Variants in UBASH3B observed in about 807,000 individuals in gnomAD.
UBASH3B encodes the protein ubiquitin associated and SH3 domain containing B, also known as ubiquitin-associated and SH3 domain-containing protein B.
UBASH3B carries 37 observed loss-of-function variants against 83.4 expected under a neutral mutation model. The ratio of observed to expected loss-of-function variants is 0.44; its 90% CI spans 0.34 to 0.58. The LOEUF (loss-of-function observed/expected upper bound fraction) is 0.58, where lower values mean the gene tolerates loss of function less well. Ranked by LOEUF, UBASH3B falls within the 20% of genes least tolerant of loss-of-function variation. UBASH3B has a pLI of 0.01. For synonymous variants in UBASH3B, 304 were observed against 318.3 expected, an observed-to-expected ratio of 0.96 and a Z score of 0.48; for missense variants, 657 against 827.2, an observed-to-expected ratio of 0.79 and a Z score of 2.52.
chr11:122,706,966 A>T (rs1228443961), intron 1 of UBASH3B, among the ~76,000 whole-genome samples: 1 of 152,200 alleles, frequency 6.6e-6, no homozygotes, highest in African/African-American at 2.4e-5. Flanking sequence ...AAAGAATGCC[A>T]GTGGAAGACT....
At chr11:122,657,438 G>A (rs144833661) in intron 1 of UBASH3B, among the ~76,000 whole-genome samples, 1 of 152,070 alleles carries the variant, frequency 6.6e-6, no homozygotes, top group Non-Finnish European at 1.5e-5. Flanking sequence ...ATAGACATGC[G>A]CCACCACACC....
intron 3 of UBASH3B, among the ~76,000 whole-genome samples, chr11:122,778,005 T>C (rs6589949): frequency 0.78 from 118,561 of 151,666 alleles, 46,883 homozygotes; most frequent in African/African-American, 0.91. Flanking sequence ...GCTGGGATTA[T>C]AGGCATGAGC....
At chr11:122,720,062 C>T (rs1166782604) in intron 1 of UBASH3B, among the ~76,000 whole-genome samples, 3 of 152,158 alleles carry the variant, frequency 2.0e-5, no homozygotes, top group Non-Finnish European at 4.4e-5. Context: ...AAACTCACCC[C>T]CATAGTAGTC....
chr11:122,808,686 G>A (rs141628795), intron 13 of UBASH3B, among the ~76,000 whole-genome samples: 1 of 152,316 alleles, frequency 6.6e-6, no homozygotes, highest in Non-Finnish European at 1.5e-5. Flanking sequence ...GCCTGTGGGA[G>A]AGGTTTTCTG....
rs199715513 is a variant in UBASH3B at position 122,765,492 on chromosome 11, G to A, written c.162-10727G>A. Among the ~76,000 whole-genome samples the A allele has an allele frequency of 4.6e-5, 7 of 152,298 alleles. No individual in the cohort carries two copies. In the East Asian group the frequency reaches 1.4e-3, roughly 29 times the overall value. On this transcript the variant is annotated intron_variant, in intron 1 of 13. Coordinates refer to ENST00000284273, the MANE Select transcript of UBASH3B (RefSeq NM_032873.5). ...CCAGCTCATCCAAGTGACTTAGAGG[G>A]TGAAGGGGAACAAAGAGTTGGCCTG...
chr11:122,742,039 A>G (rs1272252729), intron 1 of UBASH3B, among the ~76,000 whole-genome samples: 1 of 151,886 alleles, frequency 6.6e-6, no homozygotes, highest in Non-Finnish European at 1.5e-5. Context: ...ACCCCTCCCT[A>G]CCTCCTCACA....
chr11:122,729,547 G>A (rs1860802516), intron 1 of UBASH3B, among the ~76,000 whole-genome samples: 1 of 152,168 alleles, frequency 6.6e-6, no homozygotes, highest in African/African-American at 2.4e-5. Flanking sequence ...TTATGTTAAA[G>A]ATAAAACAGT....
At chr11:122,720,515 A>G (rs1306111168) in intron 1 of UBASH3B, among the ~76,000 whole-genome samples, 9 of 152,178 alleles carry the variant, frequency 5.9e-5, no homozygotes, top group Admixed American at 5.9e-4. Context: ...AAATGCCCCA[A>G]CGTTCTCTGT....
At chr11:122,800,639 C>T (rs566892864) in intron 10 of UBASH3B, among the ~76,000 whole-genome samples, 26 of 152,096 alleles carry the variant, frequency 1.7e-4, no homozygotes, top group Non-Finnish European at 2.6e-4. Context: ...GATAGAATCT[C>T]GCTCTGTCAC....
At chr11:122,683,254 A>G (rs1863765879) in intron 1 of UBASH3B, among the ~76,000 whole-genome samples, 2 of 151,636 alleles carry the variant, frequency 1.3e-5, no homozygotes, top group African/African-American at 4.9e-5. Flanking sequence ...AAAAAAAAAA[A>G]AAGTCTTAGA....
intron 1 of UBASH3B, among the ~76,000 whole-genome samples, chr11:122,746,156 C>CCTTA (rs1223218638): frequency 6.6e-6 from 1 of 152,188 alleles, no homozygotes; most frequent in Non-Finnish European, 1.5e-5. Context: ...TAGGACTGAG[C>CCTTA]TAAGGCCCAG....
chr11:122,754,953 AG>A (rs1861260058), intron 1 of UBASH3B, among the ~76,000 whole-genome samples: 2 of 152,168 alleles, frequency 1.3e-5, no homozygotes, highest in Admixed American at 1.3e-4. Flanking sequence ...GATAGTCAAA[AG>A]GGGTGGAAAG....
At chr11:122,802,052 C>T (rs1861266311) in intron 11 of UBASH3B, among the ~76,000 whole-genome samples, 1 of 152,148 alleles carries the variant, frequency 6.6e-6, no homozygotes, top group Non-Finnish European at 1.5e-5. Context: ...CACGGTGGCT[C>T]ACGCCTATAA....
chr11:122,779,502 G>A lies in UBASH3B; in HGVS notation c.408G>A (p.Glu136=), dbSNP rs1343915398. ...HITLCQFFMC[E]DSKVDALGEA... is the part of the protein sequence containing the mutation. ...CTGCCTGTTTTCCCTGCCAGTGCGA[G>A]GACAGCAAGGTGGATGCCCTGGGGG... is the stretch of plus-strand genomic sequence containing the variant. Residue 136 remains glutamate (E), a synonymous_variant, in exon 4 of 14, where the codon GAG becomes GAA. Coordinates refer to ENST00000284273, the MANE Select transcript of UBASH3B (RefSeq NM_032873.5). 1.9e-6 allele frequency: 3 copies of A among 1,613,720 alleles called. No individual in the cohort carries two copies. The African/African-American group carries it at 4.0e-5, about 22-fold the overall frequency.
intron 8 of UBASH3B, 78 bp from the exon 9 acceptor site, chr11:122,796,831 GGA>G: frequency 6.3e-7 from 1 of 1,594,748 alleles, no homozygotes; most frequent in Non-Finnish European, 8.6e-7. Flanking sequence ...GAATGGGGGT[GGA>G]GAGTGTCAGG....
At chr11:122,673,584 G>T (rs187646672) in intron 1 of UBASH3B, among the ~76,000 whole-genome samples, 5 of 152,176 alleles carry the variant, frequency 3.3e-5, no homozygotes, top group Non-Finnish European at 7.3e-5. Flanking sequence ...GCGTGAACCC[G>T]GGAGGCAGAG....
At chr11:122,714,810 C>T (rs1030555616) in intron 1 of UBASH3B, among the ~76,000 whole-genome samples, 4 of 152,134 alleles carry the variant, frequency 2.6e-5, no homozygotes, top group Non-Finnish European at 5.9e-5. Flanking sequence ...GTGTCTGAGC[C>T]CGGGATGCAC....
At chr11:122,728,709 CT>C in intron 1 of UBASH3B, among the ~76,000 whole-genome samples, 1 of 152,330 alleles carries the variant, frequency 6.6e-6, no homozygotes, top group African/African-American at 2.4e-5. Context: ...GCGCTTTGCA[CT>C]GTGCTGGAGT....
At chr11:122,677,738 C>G (rs557914327) in intron 1 of UBASH3B, among the ~76,000 whole-genome samples, 28 of 151,810 alleles carry the variant, frequency 1.8e-4, no homozygotes, top group African/African-American at 6.5e-4. Flanking sequence ...GCAAGAGGAG[C>G]AAAACTCCCT....
Sources: gnomAD v4.1 joint callset for allele counts (sites outside exome capture counted in the v4.1 genomes callset) on GRCh38, gnomAD v4.1.1 for gene constraint, MANE v1.5 for transcripts, NCBI Gene and HGNC (gene_info 2026-07-23, HGNC 2026-07-21) for gene names.